The following ANKH variants were observed in gnomAD, a reference collection of about 807,000 sequenced individuals.
ANKH encodes the protein ANKH inorganic pyrophosphate transport regulator, also known as mineralization regulator ANKH.
A neutral mutation model predicts 49.0 loss-of-function variants in ANKH; 15 were observed. The observed-to-expected ratio is 0.31, with a 90% CI of 0.20 to 0.47. ANKH has a LOEUF of 0.47. Ranked by LOEUF, ANKH falls within the 20% of genes least tolerant of loss-of-function variation. The pLI, the probability that ANKH is intolerant of heterozygous loss-of-function variation, is 1.00. For missense variants in ANKH, 429 were observed against 652.0 expected (o/e 0.66, Z 3.72); for synonymous variants, 273 against 260.0 (o/e 1.05, Z -0.48).
At chr5:14,865,128 C>T (rs987746309) in intron 1 of ANKH, among the ~76,000 whole-genome samples, 8 of 152,074 alleles carry the variant, frequency 5.3e-5, no homozygotes, top group African/African-American at 1.2e-4. Context: ...GGCATGGTGA[C>T]GCATGCCTGT....
intron 1 of ANKH, chr5:14,798,117 G>A (rs1309261107): frequency 3.2e-6 from 5 of 1,553,968 alleles, no homozygotes; most frequent in Non-Finnish European, 4.4e-6. Context: ...GTAGTGTGAT[G>A]CATCAAACTG....
At chr5:14,851,519 TGC>T (rs1742121524) in intron 1 of ANKH, among the ~76,000 whole-genome samples, 1 of 152,220 alleles carries the variant, frequency 6.6e-6, no homozygotes, top group African/African-American at 2.4e-5. Flanking sequence ...AACTGTGAAG[TGC>T]TCTACAAATG....
intron 1 of ANKH, among the ~76,000 whole-genome samples, chr5:14,769,576 AAC>A (rs1739360036): frequency 6.6e-6 from 1 of 152,136 alleles, no homozygotes; most frequent in African/African-American, 2.4e-5. Flanking sequence ...AAACGAGTCT[AAC>A]AGTTTATATC....
intron 5 of ANKH, among the ~76,000 whole-genome samples, chr5:14,750,735 T>C (rs1738685146): frequency 6.6e-6 from 1 of 152,074 alleles, no homozygotes; most frequent in Non-Finnish European, 1.5e-5. Context: ...GTATCGTGGG[T>C]CCTAAAACCT....
chr5:14,865,077 A>G (rs1016603332), intron 1 of ANKH, among the ~76,000 whole-genome samples: 10 of 152,174 alleles, frequency 6.6e-5, no homozygotes, highest in Admixed American at 4.6e-4. Flanking sequence ...CCTGACCAAC[A>G]TGGAGAAACC....
At chr5:14,756,672 C>T (rs937769406) in intron 3 of ANKH, among the ~76,000 whole-genome samples, 2 of 152,148 alleles carry the variant, frequency 1.3e-5, no homozygotes, top group Admixed American at 1.3e-4. Context: ...AATTCCCTGC[C>T]CATCTGCAAA....
intron 8 of ANKH, among the ~76,000 whole-genome samples, chr5:14,732,649 C>T (rs1239458982): frequency 6.6e-6 from 1 of 152,274 alleles, no homozygotes; most frequent in Non-Finnish European, 1.5e-5. Context: ...GCATATAGCA[C>T]ATGCCAGGTA....
chr5:14,716,981 C>T, intron 8 of ANKH, 146 bp from the exon 9 acceptor site: 1 of 975,040 alleles, frequency 1.0e-6, no homozygotes, highest in African/African-American at 1.6e-5. Flanking sequence ...CCCAGATCTG[C>T]CACCTGCTTG....
intron 1 of ANKH, among the ~76,000 whole-genome samples, chr5:14,772,902 C>T (rs1739492924): frequency 6.6e-6 from 1 of 152,236 alleles, no homozygotes; most frequent in African/African-American, 2.4e-5. Flanking sequence ...ACCATAGTTC[C>T]AGTCAGCACG....
chr5:14,734,929 T>C (rs945496242), intron 8 of ANKH, among the ~76,000 whole-genome samples: 2 of 152,252 alleles, frequency 1.3e-5, no homozygotes, highest in African/African-American at 4.8e-5. Context: ...AATAAAATTC[T>C]AGCAACTTAT....
At chr5:14,837,125 G>A (rs1741678573) in intron 1 of ANKH, among the ~76,000 whole-genome samples, 1 of 152,036 alleles carries the variant, frequency 6.6e-6, no homozygotes, top group South Asian at 2.1e-4. Context: ...AATTCAAGAT[G>A]GATTAAAGAC....
At chr5:14,712,755 G>A in intron 11 of ANKH, 119 bp downstream of exon 11, 1 of 1,000,764 alleles carries the variant, frequency 1.0e-6, no homozygotes, top group African/African-American at 1.6e-5. Context: ...AGACTGGGCA[G>A]TGTCACCAAG....
At chr5:14,800,062 C>A (rs1359209417) in intron 1 of ANKH, among the ~76,000 whole-genome samples, 2 of 152,080 alleles carry the variant, frequency 1.3e-5, no homozygotes, top group Non-Finnish European at 2.9e-5. Flanking sequence ...TTGATTTCAA[C>A]CCTCATGGAT....
chr5:14,821,438 G>A (rs1237887347), intron 1 of ANKH, among the ~76,000 whole-genome samples: 4 of 152,152 alleles, frequency 2.6e-5, no homozygotes, highest in East Asian at 3.9e-4. Context: ...AAAATAGTTC[G>A]TATTCCAGAT....
rs538585519 is a variant in ANKH, at chr5:14,839,966, A to G, written c.96+31386T>C. Reference sequence around the variant, plus strand: ...TGTCTGATTTTTGTGATCAAACCCAATAAATGTTCAGGCTGACCTTGTCCA... The same window carrying G: ...TGTCTGATTTTTGTGATCAAACCCAGTAAATGTTCAGGCTGACCTTGTCCA... On this transcript the variant is annotated intron_variant, in intron 1 of 11. Coordinates refer to ENST00000284268, the MANE Select transcript of ANKH (RefSeq NM_054027.6). 3.9e-5 allele frequency among the ~76,000 whole-genome samples: 6 copies of G among 152,354 alleles called. No homozygotes were observed. The East Asian group carries it at 1.2e-3, about 29-fold the overall frequency.
rs148228793 is a variant in ANKH at position 14,716,805 on chromosome 5, C to G, written c.1042G>C (p.Val348Leu). ...LCFVMFWTPN[V>L]SEKILIDIIG... Reference sequence around the variant, plus strand: ...ATGTCTATCAAGATTTTCTCAGACACGTTGGGTGTCCAAAACATCACGAAA... The same window carrying G: ...ATGTCTATCAAGATTTTCTCAGACAGGTTGGGTGTCCAAAACATCACGAAA... The change falls in exon 9 of 12, where the codon GTG (valine) becomes CTG (leucine). Residue 348 changes from valine to leucine, a missense_variant. By Grantham distance (32) the Val-to-Leu change is conservative. Coordinates refer to ENST00000284268, the MANE Select transcript of ANKH (RefSeq NM_054027.6). The G allele has an allele frequency of 6.2e-7, 1 of 1,614,076 alleles. No individual in the cohort carries two copies. Among genetic ancestry groups the G allele is most frequent in the Non-Finnish European group, 8.5e-7 (1 of 1,179,956 alleles).
At chr5:14,755,333 C>T (rs942082086) in intron 4 of ANKH, among the ~76,000 whole-genome samples, 4 of 152,154 alleles carry the variant, frequency 2.6e-5, no homozygotes, top group South Asian at 2.1e-4. Context: ...TCTCAGACCG[C>T]GTGGAAAGGT....
At position 14,727,769 on chromosome 5, in the gene ANKH, A is replaced by C. The variant is rs115878862; in HGVS notation, c.1012-10934T>G. On this transcript the variant is annotated intron_variant, in intron 8 of 11. Transcript: ENST00000284268. Reference sequence around the variant, plus strand: ...GTGGGTATAGGGTTTCAGTTTTGCAATCCCGTTATGGGCAGATGGTGATGA... The same window carrying C: ...GTGGGTATAGGGTTTCAGTTTTGCACTCCCGTTATGGGCAGATGGTGATGA... Among the ~76,000 whole-genome samples the C allele has an allele frequency of 8.8e-3, 1,331 of 152,080 alleles. 23 individuals carry two copies. Among genetic ancestry groups the C allele is most frequent in the African/African-American group, 0.03 (1,245 of 41,446 alleles).
At chr5:14,720,765 G>T (rs1737633209) in intron 8 of ANKH, among the ~76,000 whole-genome samples, 1 of 152,214 alleles carries the variant, frequency 6.6e-6, no homozygotes, top group Non-Finnish European at 1.5e-5. Context: ...ATGCTTTACT[G>T]ATTTTGCAGC....
Sources: gnomAD v4.1 joint callset for allele counts (sites outside exome capture counted in the v4.1 genomes callset) on GRCh38, gnomAD v4.1.1 for gene constraint, MANE v1.5 for transcripts, NCBI Gene and HGNC (gene_info 2026-07-23, HGNC 2026-07-21) for gene names.